Variants in CD163L1 observed in about 807,000 individuals in gnomAD.
CD163L1 encodes the protein CD163 molecule like 1.
In CD163L1, 124 loss-of-function variants were observed where a neutral mutation model predicts 165.4. That is an observed-to-expected ratio of 0.75 (90% CI 0.65 to 0.87). The LOEUF is 0.87. Among genes scored for constraint, CD163L1 ranks in the 40% least tolerant of loss-of-function variants. CD163L1 has a pLI of 0.00. For synonymous variants in CD163L1, 585 were observed against 662.2 expected (o/e 0.88, Z 1.79); for missense variants, 1,525 against 1,799.9 (o/e 0.85, Z 2.76).
At chr12:7,326,291 A>G in the CD163L1 span, among the ~76,000 whole-genome samples, 1 of 152,050 alleles carries the variant, frequency 6.6e-6, no homozygotes, top group Admixed American at 6.6e-5. Context: ...TAACCTCTCA[A>G]ACTGCTGGGC....
chr12:7,439,181 G>A, intron 2 of CD163L1: 3 of 1,575,680 alleles, frequency 1.9e-6, no homozygotes, highest in African/African-American at 1.4e-5. Context: ...CGGAAAGGGG[G>A]AATCATTAAG....
In CD163L1 at chr12:7,369,764, T is replaced by C; in HGVS notation, c.3731-99A>G. On this transcript the variant is annotated intron_variant, in intron 14 of 19. Coordinates refer to ENST00000313599, the MANE Select transcript of CD163L1 (RefSeq NM_174941.6). The surrounding 1 kb of genome is among the most constrained non-coding windows in gnomAD (Gnocchi z 4.9). ...GAAAGTAGCAAATGTGCTTGATGAA[T>C]ATGGGTGTGGTAAGGAAGGCAGAAT... 9.4e-7 allele frequency: 1 copy of C among 1,059,174 alleles called. No homozygotes were observed. The highest frequency in any genetic ancestry group is 1.4e-6 in the Non-Finnish European group (1 of 716,996). The allele number at this position is 1,059,174 out of a possible 1,614,324, so 65.6% of individuals were successfully genotyped here.
At chr12:7,392,397 C>A (rs1947675943) in intron 8 of CD163L1, among the ~76,000 whole-genome samples, 1 of 151,862 alleles carries the variant, frequency 6.6e-6, no homozygotes, top group Non-Finnish European at 1.5e-5. Flanking sequence ...ACACAATATG[C>A]CAGAATCTCT....
At chr12:7,367,851 G>C (rs1305693338) in intron 17 of CD163L1, among the ~76,000 whole-genome samples, 1 of 152,164 alleles carries the variant, frequency 6.6e-6, no homozygotes, top group Non-Finnish European at 1.5e-5. Flanking sequence ...TTGCCTATCT[G>C]ACTCATCGTC....
rs1298411302 is a variant in CD163L1 at position 7,400,260 on chromosome 12, A to G, written c.1409-1676T>C. Among the ~76,000 whole-genome samples the G allele has an allele frequency of 2.0e-5, 3 of 152,328 alleles. No homozygotes were observed. Among genetic ancestry groups the G allele is most frequent in the East Asian group, 1.9e-4 (1 of 5,186 alleles). On this transcript the variant is annotated intron_variant, in intron 6 of 19. Transcript: ENST00000313599. This position sits in a 1 kb window ranked among gnomAD's most constrained non-coding sequence, Gnocchi z 4.1. ...GAGTATGTCACCAAGTGCTTCCACA[A>G]TATAATGGAAACCAATGTATTCAAT...
intron 5 of CD163L1, among the ~76,000 whole-genome samples, chr12:7,404,898 G>A (rs947286736): frequency 6.6e-6 from 1 of 152,086 alleles, no homozygotes; most frequent in Non-Finnish European, 1.5e-5. Flanking sequence ...GCAACTTGGA[G>A]ATTGATTTAT....
chr12:7,430,222 A>G (rs145649112), intron 4 of CD163L1, among the ~76,000 whole-genome samples: 169 of 152,306 alleles, frequency 1.1e-3, no homozygotes, highest in African/African-American at 3.7e-3. Flanking sequence ...ATGTTTGTAG[A>G]AGAAAAAATA....
rs968461446 is a variant in CD163L1 at position 7,368,348 on chromosome 12, C to G, written c.4073-151G>C. The G allele has an allele frequency of 4.1e-6, 2 of 487,436 alleles. No homozygotes were observed. The highest frequency in any genetic ancestry group is 7.3e-6 in the Non-Finnish European group (2 of 274,666). 30.2% of individuals were successfully genotyped at this position (487,436 alleles called of 1,614,324 possible). A position where few individuals can be genotyped will look rare whatever the true frequency, so the allele number is the denominator to read the frequency against. On this transcript the variant is annotated intron_variant, in intron 16 of 19. Coordinates refer to ENST00000313599, the MANE Select transcript of CD163L1 (RefSeq NM_174941.6). This position sits in a 1 kb window ranked among gnomAD's most constrained non-coding sequence, Gnocchi z 4.3. Reference sequence around the variant, plus strand: ...ATGAACAGTACGTAATCTTTGAGAGCTATTTTAGATGAAAACTATCTTGGA... The same window carrying G: ...ATGAACAGTACGTAATCTTTGAGAGGTATTTTAGATGAAAACTATCTTGGA...
At position 7,374,743 on chromosome 12, in the gene CD163L1, G is replaced by A. The variant is rs938129839; in HGVS notation, c.3108C>T (p.Leu1036=). Residue 1036 remains leucine, a synonymous_variant, in exon 13 of 20, where the codon CTC becomes CTT. Coordinates refer to ENST00000313599, the MANE Select transcript of CD163L1 (RefSeq NM_174941.6). This position sits in a 1 kb window ranked among gnomAD's most constrained non-coding sequence, Gnocchi z 5.4. The part of the protein sequence containing the change: ...SALICLEDKR[L]RLVDGDSRCA... ...AGCGGCTGTCCCCATCCACTAGGCGGAGCCGTTTGTCCTCTTAGAGGAGAA... is the reference window on the plus strand; with the variant it reads ...AGCGGCTGTCCCCATCCACTAGGCGAAGCCGTTTGTCCTCTTAGAGGAGAA... 1.9e-6 allele frequency: 3 copies of A among 1,613,700 alleles called. No individual in the cohort carries two copies. Among genetic ancestry groups the A allele is most frequent in the Non-Finnish European group, 1.7e-6 (2 of 1,179,728 alleles).
the CD163L1 span, among the ~76,000 whole-genome samples, chr12:7,332,889 A>C: frequency 6.6e-6 from 1 of 152,222 alleles, no homozygotes; most frequent in Admixed American, 6.5e-5. Flanking sequence ...TGAGCAAAAT[A>C]ACCAGCTAAC....
intron 2 of CD163L1, among the ~76,000 whole-genome samples, chr12:7,437,266 A>ATACTATTTAAATAGTATTTAAAT (rs59173245): frequency 7.8e-6 from 1 of 128,918 alleles, no homozygotes; most frequent in Non-Finnish European, 1.6e-5. Context: ...TAGTATTTAA[A>ATACTATTTAAATAGTATTTAAAT]AGTATTACTT....
intron 4 of CD163L1, among the ~76,000 whole-genome samples, chr12:7,408,907 G>C (rs755188845): frequency 1.3e-5 from 2 of 152,092 alleles, no homozygotes; most frequent in South Asian, 2.1e-4. Flanking sequence ...CGCCCAACAT[G>C]GTTTGTTTTC....
At chr12:7,425,329 T>G (rs1948522804) in intron 4 of CD163L1, among the ~76,000 whole-genome samples, 1 of 152,066 alleles carries the variant, frequency 6.6e-6, no homozygotes, top group African/African-American at 2.4e-5. Flanking sequence ...ATACAAAAAT[T>G]AACTCAAGAT....
At chr12:7,443,510 A>G (rs973609015) in intron 1 of CD163L1, among the ~76,000 whole-genome samples, 1 of 152,236 alleles carries the variant, frequency 6.6e-6, no homozygotes, top group Non-Finnish European at 1.5e-5. Flanking sequence ...TTTAGGGTCC[A>G]TCAAAGACTT....
Position 7,432,385 on chromosome 12 carries a change from C to G in CD163L1, c.766+31G>C. On this transcript the variant is annotated intron_variant, in intron 4 of 19. Transcript: ENST00000313599. This position sits in a 1 kb window ranked among gnomAD's most constrained non-coding sequence, Gnocchi z 4.2. ...CATACTGTTTCTAAACAAATTGTTC[C>G]TTTCTTCTACATGATGTCTTGGGTT... 6.6e-7 allele frequency: 1 copy of G among 1,510,560 alleles called. No individual in the cohort carries two copies. Among genetic ancestry groups the G allele is most frequent in the Non-Finnish European group, 9.1e-7 (1 of 1,102,336 alleles). The allele number at this position is 1,510,560 out of a possible 1,614,324, so 93.6% of individuals were successfully genotyped here.
the CD163L1 span, chr12:7,323,120 G>A: frequency 1.1e-6 from 1 of 902,674 alleles, no homozygotes. Context: ...ATTTCAGAAG[G>A]TGCGCCTGCA....
chr12:7,395,159 G>T (rs1354548988), intron 8 of CD163L1, among the ~76,000 whole-genome samples: 1 of 152,150 alleles, frequency 6.6e-6, no homozygotes, highest in Non-Finnish European at 1.5e-5. Context: ...GTTTATTGCG[G>T]CACTATTCAC....
chr12:7,325,052 G>C, the CD163L1 span, among the ~76,000 whole-genome samples: 1 of 152,176 alleles, frequency 6.6e-6, no homozygotes, highest in Admixed American at 6.5e-5. Flanking sequence ...GAAGGATACA[G>C]CTCTGTTTTC....
chr12:7,435,752 T>C (rs185745707), intron 2 of CD163L1, among the ~76,000 whole-genome samples: 15 of 152,228 alleles, frequency 9.9e-5, no homozygotes, highest in African/African-American at 3.6e-4. Flanking sequence ...GACATATTTA[T>C]AGCAGAACAT....
Sources: allele counts gnomAD v4.1 joint callset (sites outside exome capture counted in the v4.1 genomes callset), GRCh38; gene constraint gnomAD v4.1.1; non-coding constraint Gnocchi (gnomAD v3.1); transcripts MANE v1.5; gene names NCBI Gene and HGNC (gene_info 2026-07-23, HGNC 2026-07-21).